The following EVC variants were observed in gnomAD, a reference collection of about 807,000 sequenced individuals.
EVC encodes the protein EvC ciliary complex subunit 1, also known as evC complex member EVC.
Under a neutral mutation model 118.9 loss-of-function variants are expected in EVC, and 116 were observed. The observed-to-expected ratio is 0.98, with a 90% confidence interval of 0.84 to 1.14. The LOEUF (loss-of-function observed/expected upper bound fraction) is 1.14. Among genes scored for constraint, EVC ranks in the 50% most tolerant of loss-of-function variants. The pLI is 0.00. For synonymous variants in EVC, 619 were observed against 534.7 expected, an observed-to-expected ratio of 1.16 and a Z score of -2.18; for missense variants, 1,401 against 1,246.4, an observed-to-expected ratio of 1.12 and a Z score of -1.87.
intron 11 of EVC, among the ~76,000 whole-genome samples, chr4:5,766,810 T>G (rs201601189): frequency 7.1e-6 from 1 of 140,424 alleles, no homozygotes; most frequent in African/African-American, 2.7e-5. Context: ...TTCATCTAAA[T>G]TTTTTTCAAA....
intron 9 of EVC, 46 bp downstream of exon 9, chr4:5,753,098 G>A: frequency 6.6e-7 from 1 of 1,515,212 alleles, no homozygotes; most frequent in Non-Finnish European, 8.9e-7. Flanking sequence ...CTGGCCTTCT[G>A]GGTCCCTGGG....
the EVC span, chr4:5,828,330 G>A: frequency 1.0e-6 from 1 of 985,122 alleles, no homozygotes; most frequent in Non-Finnish European, 1.2e-6. Flanking sequence ...CCTCAGACAG[G>A]AGCCCAGGCC....
intron 2 of EVC, among the ~76,000 whole-genome samples, chr4:5,725,582 G>A (rs940594214): frequency 3.3e-5 from 5 of 152,222 alleles, no homozygotes; most frequent in Middle Eastern, 6.8e-3. Flanking sequence ...TTTTATTCTT[G>A]TAAATTTGTT....
chr4:5,747,199 C>T (rs1729489250), intron 7 of EVC, among the ~76,000 whole-genome samples: 1 of 130,692 alleles, frequency 7.7e-6, no homozygotes, highest in East Asian at 2.7e-4. Flanking sequence ...GCCAGACCGA[C>T]ACCGCAGTTG....
At chr4:5,821,513 G>A in the EVC span, 6 of 533,124 alleles carry the variant, frequency 1.1e-5, no homozygotes, top group Admixed American at 1.2e-4. This position sits in a 1 kb window ranked among gnomAD's most constrained non-coding sequence, Gnocchi z 4.4. Context: ...TCACTAGGAA[G>A]GGGGAATGAA....
At chr4:5,720,357 C>T (rs529912147) in intron 2 of EVC, among the ~76,000 whole-genome samples, 5 of 152,168 alleles carry the variant, frequency 3.3e-5, no homozygotes, top group East Asian at 3.9e-4. Flanking sequence ...ATGAGGAAGC[C>T]GAGGCTCAGA....
intron 8 of EVC, among the ~76,000 whole-genome samples, chr4:5,751,367 G>C (rs562007107): frequency 1.2e-4 from 18 of 152,184 alleles, no homozygotes; most frequent in African/African-American, 4.1e-4. Flanking sequence ...TAAGCACATC[G>C]ATTGCACCAC....
chr4:5,810,817 A>G (rs1216511158), intron 20 of EVC, 136 bp from the exon 21 acceptor site: 4 of 846,532 alleles, frequency 4.7e-6, no homozygotes, highest in South Asian at 2.9e-5. Context: ...TTGGTTTCTT[A>G]ACAACCCATG....
the EVC span, among the ~76,000 whole-genome samples, chr4:5,823,298 C>T: frequency 6.6e-6 from 1 of 152,320 alleles, no homozygotes; most frequent in African/African-American, 2.4e-5. Flanking sequence ...TCTTTTCTCC[C>T]ATTGTTTCAC....
intron 2 of EVC, among the ~76,000 whole-genome samples, chr4:5,722,082 C>A (rs1297223761): frequency 6.6e-6 from 1 of 152,142 alleles, no homozygotes; most frequent in Non-Finnish European, 1.5e-5. Context: ...CCAGCTCTGC[C>A]ACATGTTTGC....
chr4:5,720,872 G>A (rs1188044470), intron 2 of EVC, among the ~76,000 whole-genome samples: 1 of 122,330 alleles, frequency 8.2e-6, no homozygotes, highest in Non-Finnish European at 1.9e-5. Context: ...TACTAGGCAG[G>A]AAAATATGAG....
At chr4:5,824,046 G>C in the EVC span, among the ~76,000 whole-genome samples, 1 of 152,210 alleles carries the variant, frequency 6.6e-6, no homozygotes, top group Admixed American at 6.5e-5. Flanking sequence ...GAAACTGAGA[G>C]AACAAGGGTG....
the EVC span, among the ~76,000 whole-genome samples, chr4:5,820,453 T>G: frequency 2.0e-5 from 3 of 152,216 alleles, no homozygotes; most frequent in Non-Finnish European, 4.4e-5. Context: ...TTTAGGAGAT[T>G]GGAGCTTCCA....
At position 5,745,251 on chromosome 4, in the gene EVC, A is replaced by G; in HGVS notation, c.849A>G (p.Thr283=). The G allele has an allele frequency of 1.2e-6, 2 of 1,614,094 alleles. No individual in the cohort carries two copies. The highest frequency in any genetic ancestry group is 1.3e-5 in the African/African-American group (1 of 75,022). The change falls in exon 7 of 21, where the codon ACA becomes ACG. Residue 283 remains threonine, a synonymous_variant. Coordinates refer to ENST00000264956, the MANE Select transcript of EVC (RefSeq NM_153717.3). ...GACTTCAGGTCAAACTGTCAAACAC[A>G]GAAATGTCGGGGGCTGGTGACTCTG... ...EKGLQVKLSN[T]EMSGAGDSEY...
the EVC span, among the ~76,000 whole-genome samples, chr4:5,827,828 TG>T: frequency 6.6e-6 from 1 of 152,102 alleles, no homozygotes; most frequent in South Asian, 2.1e-4. Flanking sequence ...AGGGCCTGGC[TG>T]GGGAAGATGT....
intron 17 of EVC, among the ~76,000 whole-genome samples, chr4:5,805,097 C>T (rs928056283): frequency 3.9e-5 from 6 of 152,118 alleles, no homozygotes; most frequent in South Asian, 2.1e-4. Context: ...ATTCACAGCC[C>T]GGACACAGGT....
At chr4:5,757,513 A>G (rs1195126328) in intron 11 of EVC, among the ~76,000 whole-genome samples, 1 of 152,244 alleles carries the variant, frequency 6.6e-6, no homozygotes, top group Non-Finnish European at 1.5e-5. Flanking sequence ...CGTTCTCTCA[A>G]GGTTCTGGAG....
rs368482390 is a variant in EVC, at chr4:5,727,976, A to C, written c.301-1331A>C. 4.6e-3 allele frequency among the ~76,000 whole-genome samples: 683 copies of C among 149,694 alleles called. 7 individuals are homozygous for C. The highest frequency in any genetic ancestry group is 0.016 in the African/African-American group (646 of 40,166). ...TACCATGCTGTTTTGGTTACTGTAG[A>C]CTTGTAGTATAGTTTGAAGTCAGGT... is the stretch of plus-strand genomic sequence containing the variant. On this transcript the variant is annotated intron_variant, in intron 2 of 20. Coordinates refer to ENST00000264956, the MANE Select transcript of EVC (RefSeq NM_153717.3).
chr4:5,749,276 G>C lies in EVC; in HGVS notation c.1098+970G>C, dbSNP rs181803886. On this transcript the variant is annotated intron_variant, in intron 8 of 20. Coordinates refer to ENST00000264956, the MANE Select transcript of EVC (RefSeq NM_153717.3). This position sits in a 1 kb window ranked among gnomAD's most constrained non-coding sequence, Gnocchi z 4.4. ...CCTTTTGGCTTCCCTGGGCCACATT[G>C]GAAGAAGAAGAATTGTCTTAGGCCA... Among the ~76,000 whole-genome samples, 46 of 149,370 alleles carry C rather than the reference G, an allele frequency of 3.1e-4. 1 individual carries two copies. Among genetic ancestry groups the C allele is most frequent in the Admixed American group, 3.1e-3 (46 of 14,964 alleles).
Sources: gnomAD v4.1 joint callset for allele counts (sites outside exome capture counted in the v4.1 genomes callset) on GRCh38, gnomAD v4.1.1 for gene constraint, Gnocchi (gnomAD v3.1) non-coding constraint, MANE v1.5 for transcripts, NCBI Gene and HGNC (gene_info 2026-07-23, HGNC 2026-07-21) for gene names.